TYW1B: variants seen among roughly 807,000 people sequenced by gnomAD.
TYW1B encodes S-adenosyl-L-methionine-dependent tRNA 4-demethylwyosine synthase TYW1B.
TYW1B carries 73 observed loss-of-function variants against 86.9 expected under a neutral mutation model. The observed-to-expected ratio is 0.84, with a 90% CI of 0.70 to 1.02. The LOEUF is 1.02. Among genes scored for constraint, TYW1B ranks in the 50% least tolerant of loss-of-function variants. TYW1B has a pLI of 0.00. For missense variants in TYW1B, 637 were observed against 827.4 expected (o/e 0.77, Z 2.82); for synonymous variants, 248 against 292.8 (o/e 0.85, Z 1.56).
chr7:72,620,056 T>C (rs2129568497), intron 12 of TYW1B, among the ~76,000 whole-genome samples: 1 of 152,294 alleles, frequency 6.6e-6, no homozygotes, highest in African/African-American at 2.4e-5. Flanking sequence ...AACTCTATGA[T>C]GCTTTATGGT....
chr7:72,664,633 G>GA (rs1444856950), intron 11 of TYW1B, among the ~76,000 whole-genome samples: 11 of 151,976 alleles, frequency 7.2e-5, no homozygotes, highest in African/African-American at 2.7e-4. Flanking sequence ...AGAGGATCAG[G>GA]AAAAAAACAA....
chr7:72,728,747 G>C, intron 9 of TYW1B, 75 bp downstream of exon 9: 1 of 1,419,340 alleles, frequency 7.0e-7, no homozygotes, highest in South Asian at 1.4e-5. Context: ...TCCTACCAAA[G>C]AGGCAATTCT....
chr7:72,630,415 G>A (rs528856103), intron 11 of TYW1B, among the ~76,000 whole-genome samples: 1 of 151,934 alleles, frequency 6.6e-6, no homozygotes, highest in East Asian at 1.9e-4. Context: ...CTAGGTACAT[G>A]ATTACATGCA....
At position 72,628,985 on chromosome 7, in the gene TYW1B, C is replaced by T; in HGVS notation, c.1519G>A (p.Val507Ile). ...GCTTTCACGAGCATCAGTCTGTAGA[C>T]AGTTCGTTGTTGCTAAAACAAAGGA... is the stretch of plus-strand genomic sequence containing the variant. The part of the protein sequence containing the change: ...KALAVKQQRT[V>I]YRLMLVKAWN... The change falls in exon 12 of 14, where the codon GTC (valine) becomes ATC (isoleucine). Residue 507 changes from valine (V) to isoleucine (I), a missense_variant. Physicochemically the swap from Val to Ile is conservative, Grantham distance 29 (BLOSUM62 3). Transcript: ENST00000620995. 2.5e-6 allele frequency: 4 copies of T among 1,588,028 alleles called. No individual in the cohort carries two copies. The highest frequency in any genetic ancestry group is 2.3e-5 in the South Asian group (2 of 87,700).
intron 11 of TYW1B, among the ~76,000 whole-genome samples, chr7:72,645,569 T>C (rs781991610): frequency 1.3e-5 from 2 of 152,190 alleles, no homozygotes; most frequent in Non-Finnish European, 2.9e-5. Flanking sequence ...GAATAAATCG[T>C]GGCATACTCA....
rs1237599448 is a variant in TYW1B, at chr7:72,789,704, C to T, written c.847-12171G>A. On this transcript the variant is annotated intron_variant, in intron 6 of 13. Coordinates refer to ENST00000620995, the MANE Select transcript of TYW1B (RefSeq NM_001145440.3). ...GTTGCCGAGGCTGGTCTCAAATTCC[C>T]GGGCTCAAGCAGTCCTCCCACCTCA... is the stretch of plus-strand genomic sequence containing the variant. Among the ~76,000 whole-genome samples, 13 of 151,608 alleles carry T rather than the reference C, an allele frequency of 8.6e-5. No individual in the cohort carries two copies. The East Asian group carries it at 1.5e-3, about 18-fold the overall frequency.
At chr7:72,728,182 A>T (rs543168253) in intron 9 of TYW1B, among the ~76,000 whole-genome samples, 1 of 152,310 alleles carries the variant, frequency 6.6e-6, no homozygotes, top group African/African-American at 2.4e-5. Flanking sequence ...TTTCCAATCC[A>T]TTCAAAAGGC....
At chr7:72,799,307 C>T (rs1286034055) in intron 6 of TYW1B, among the ~76,000 whole-genome samples, 2 of 150,136 alleles carry the variant, frequency 1.3e-5, no homozygotes, top group Admixed American at 6.7e-5. Flanking sequence ...TACAGGTTTG[C>T]GCCACTATGC....
In TYW1B at chr7:72,574,779, C is replaced by G; in HGVS notation, c.*719G>C. The G allele has an allele frequency of 1.0e-6, 1 of 985,366 alleles. No homozygotes were observed. 61.0% of individuals were successfully genotyped at this position (985,366 alleles called of 1,614,324 possible). A position where few individuals can be genotyped will look rare whatever the true frequency, so the allele number is the denominator to read the frequency against. Reference sequence around the variant, plus strand: ...TTCAGTCCAAAGTGTGTTTGTGAGACTAATGACTCCATGCCCTCACATGGC... The same window carrying G: ...TTCAGTCCAAAGTGTGTTTGTGAGAGTAATGACTCCATGCCCTCACATGGC... On this transcript the variant is annotated 3_prime_UTR_variant, in exon 14 of 14. Transcript: ENST00000620995.
chr7:72,779,854 C>A (rs1445857344), intron 6 of TYW1B, among the ~76,000 whole-genome samples: 19 of 134,396 alleles, frequency 1.4e-4, no homozygotes, highest in African/African-American at 1.4e-4. Context: ...TCAAATGTAC[C>A]AAATGAGAAA....
chr7:72,722,442 C>T (rs1554457741), intron 9 of TYW1B, among the ~76,000 whole-genome samples: 1 of 152,178 alleles, frequency 6.6e-6, no homozygotes, highest in Admixed American at 6.6e-5. Flanking sequence ...CTATTTCTCC[C>T]TGCCATGGTA....
At chr7:72,645,424 T>C (rs1243924263) in intron 11 of TYW1B, among the ~76,000 whole-genome samples, 1 of 152,196 alleles carries the variant, frequency 6.6e-6, no homozygotes, top group Non-Finnish European at 1.5e-5. Context: ...GAGGCAGCAA[T>C]TCCACTTCCA....
intron 7 of TYW1B, among the ~76,000 whole-genome samples, chr7:72,749,968 T>C (rs143824057): frequency 9.7e-6 from 1 of 102,944 alleles, no homozygotes; most frequent in Non-Finnish European, 2.0e-5. Flanking sequence ...TAGCTCACTG[T>C]AGCCTCAAAC....
intron 11 of TYW1B, among the ~76,000 whole-genome samples, chr7:72,655,464 T>C (rs2129569314): frequency 6.6e-6 from 1 of 152,156 alleles, no homozygotes; most frequent in East Asian, 1.9e-4. Context: ...TGGAGCCCAA[T>C]AGCCCCTGCA....
At chr7:72,584,908 C>T (rs1196933752) in intron 13 of TYW1B, among the ~76,000 whole-genome samples, 1 of 152,202 alleles carries the variant, frequency 6.6e-6, no homozygotes, top group African/African-American at 2.4e-5. Context: ...GCTTTTTATG[C>T]AGACCTCTAA....
chr7:72,822,110 G>A (rs1196050112), intron 2 of TYW1B, among the ~76,000 whole-genome samples: 4 of 147,168 alleles, frequency 2.7e-5, no homozygotes, highest in Admixed American at 2.0e-4. Context: ...CAGCACTTTG[G>A]GAGGCCAATG....
chr7:72,674,189 G>A (rs1554446902), intron 11 of TYW1B, among the ~76,000 whole-genome samples: 1 of 152,130 alleles, frequency 6.6e-6, no homozygotes, highest in Non-Finnish European at 1.5e-5. Flanking sequence ...TTCTCAGAAA[G>A]TCACTTTAAG....
intron 8 of TYW1B, among the ~76,000 whole-genome samples, chr7:72,742,651 T>G (rs1787325515): frequency 6.6e-6 from 1 of 152,212 alleles, no homozygotes; most frequent in Non-Finnish European, 1.5e-5. Flanking sequence ...TAATTCAAAA[T>G]AGTCAATCCC....
At position 72,640,746 on chromosome 7, in the gene TYW1B, ATC is replaced by A. The variant is rs138992779; in HGVS notation, c.1507-11751_1507-11750del. Among the ~76,000 whole-genome samples the A allele has an allele frequency of 5.9e-3, 903 of 152,274 alleles. 10 individuals carry two copies. The highest frequency in any genetic ancestry group is 0.021 in the African/African-American group (858 of 41,580). On this transcript the variant is annotated intron_variant, in intron 11 of 13. Coordinates refer to ENST00000620995, the MANE Select transcript of TYW1B (RefSeq NM_001145440.3). ...TAGTCACAATGGAACATTTGTACAC[ATC>A]TCTCTCAGTAACCAATAACATAAGA... is the stretch of plus-strand genomic sequence containing the variant.
Sources: gnomAD v4.1 joint callset for allele counts (sites outside exome capture counted in the v4.1 genomes callset) on GRCh38, gnomAD v4.1.1 for gene constraint, MANE v1.5 for transcripts, NCBI Gene and HGNC (gene_info 2026-07-23, HGNC 2026-07-21) for gene names.